The following PDSS1 variants were observed in gnomAD, a reference collection of about 807,000 sequenced individuals.
The protein encoded by PDSS1 is decaprenyl diphosphate synthase subunit 1.
Under a neutral mutation model 57.5 loss-of-function variants are expected in PDSS1, and 43 were observed. The observed-to-expected ratio is 0.75, with a 90% CI of 0.59 to 0.96. PDSS1 has a LOEUF of 0.96. Ranked by LOEUF, PDSS1 falls within the 50% of genes least tolerant of loss-of-function variation. The pLI, the probability that PDSS1 is intolerant of heterozygous loss-of-function variation, is 0.00. For synonymous variants in PDSS1, 175 were observed against 191.3 expected (o/e 0.91, Z 0.70); for missense variants, 438 against 527.8 (o/e 0.83, Z 1.67).
In PDSS1 at chr10:26,705,351, T is replaced by G. The variant is rs1357685009; in HGVS notation, c.293T>G (p.Leu98Arg). 2 of 1,611,654 alleles carry G rather than the reference T, an allele frequency of 1.2e-6. No homozygotes were observed. Among genetic ancestry groups the G allele is most frequent in the Non-Finnish European group, 1.7e-6 (2 of 1,178,296 alleles). ...GAAAAATACACCGATCCTTTCAAAC[T>G]CGGTTGGAGAGACTTGAAAGGTCTG... ...SGEKYTDPFK[L>R]GWRDLKGLYE... The change falls in exon 4 of 12, where the codon CTC (leucine) becomes CGC (arginine). Residue 98 changes from leucine to arginine, a missense_variant. Leu to Arg is a moderately radical substitution (Grantham distance 102, BLOSUM62 -2). Around this residue, in one of 2 missense-constraint regions of PDSS1, gnomAD observed 154 missense variants for 137.0 expected, o/e 1.12. Transcript: ENST00000376215.
intron 11 of PDSS1, 147 bp from the exon 12 acceptor site, chr10:26,746,186 A>G: frequency 1.1e-6 from 1 of 879,140 alleles, no homozygotes; most frequent in Non-Finnish European, 1.8e-6. Flanking sequence ...AGTCGGGAAA[A>G]GAACATTAGA....
intron 10 of PDSS1, among the ~76,000 whole-genome samples, chr10:26,737,985 C>A (rs1036375975): frequency 1.3e-5 from 2 of 152,104 alleles, no homozygotes; most frequent in African/African-American, 4.8e-5. Context: ...GGACTCATTT[C>A]AAAAGTAGAC....
chr10:26,729,514 C>A (rs1836090070), intron 8 of PDSS1, among the ~76,000 whole-genome samples: 2 of 152,172 alleles, frequency 1.3e-5, no homozygotes, highest in Admixed American at 1.3e-4. Flanking sequence ...TTTGTAACCC[C>A]CTTCCCAAAC....
At chr10:26,714,606 A>G (rs1423254869) in intron 5 of PDSS1, 2 of 152,236 alleles carry the variant, frequency 1.3e-5, no homozygotes, top group African/African-American at 4.8e-5. Flanking sequence ...CAGCTGCCTC[A>G]TTGAAGACAC....
chr10:26,722,032 C>T (rs556179821), intron 6 of PDSS1, among the ~76,000 whole-genome samples: 11 of 152,234 alleles, frequency 7.2e-5, no homozygotes, highest in African/African-American at 1.9e-4. Context: ...CACTTCTTTC[C>T]TTTAACTCCC....
intron 11 of PDSS1, among the ~76,000 whole-genome samples, chr10:26,745,837 C>A (rs1229809252): frequency 6.6e-6 from 1 of 150,896 alleles, no homozygotes; most frequent in African/African-American, 2.4e-5. Flanking sequence ...CAGAGTGAGA[C>A]CCTGTCTCAA....
At chr10:26,741,690 C>T (rs1286245364) in intron 10 of PDSS1, among the ~76,000 whole-genome samples, 1 of 152,054 alleles carries the variant, frequency 6.6e-6, no homozygotes, top group Non-Finnish European at 1.5e-5. Flanking sequence ...AATTCCCATC[C>T]TCATCCTAGG....
At chr10:26,704,007 G>A (rs1375752250) in intron 2 of PDSS1, among the ~76,000 whole-genome samples, 2 of 145,752 alleles carry the variant, frequency 1.4e-5, no homozygotes, top group South Asian at 2.2e-4. Context: ...CGTGAACCCT[G>A]GGGGGCGGAG....
intron 4 of PDSS1, among the ~76,000 whole-genome samples, chr10:26,709,141 C>T (rs900757747): frequency 6.6e-5 from 10 of 152,184 alleles, no homozygotes; most frequent in African/African-American, 1.2e-4. Flanking sequence ...GGCTGATCCA[C>T]GCATTGTTTA....
At chr10:26,704,081 C>CAAA (rs1192150825) in intron 2 of PDSS1, among the ~76,000 whole-genome samples, 1 of 9,916 alleles carries the variant, frequency 1.0e-4, no homozygotes, top group African/African-American at 3.2e-4. Context: ...GACTCCGTCT[C>CAAA]ACAAAAAAAA....
intron 5 of PDSS1, among the ~76,000 whole-genome samples, chr10:26,718,331 G>A (rs1424890694): frequency 6.6e-6 from 1 of 152,036 alleles, no homozygotes; most frequent in Non-Finnish European, 1.5e-5. Flanking sequence ...GCAGGAACCT[G>A]TAACTGTGCC....
intron 1 of PDSS1, among the ~76,000 whole-genome samples, chr10:26,698,894 T>C (rs1834960017): frequency 6.6e-6 from 1 of 151,992 alleles, no homozygotes; most frequent in Admixed American, 6.5e-5. Context: ...GAGGCTGAGG[T>C]GGGAGAATCG....
At chr10:26,698,703 T>C (rs1834954909) in intron 1 of PDSS1, among the ~76,000 whole-genome samples, 1 of 152,256 alleles carries the variant, frequency 6.6e-6, no homozygotes, top group Non-Finnish European at 1.5e-5. Context: ...TTTAGTACTC[T>C]TTTAATTCAG....
chr10:26,710,251 C>CTT (rs771371336), intron 5 of PDSS1, among the ~76,000 whole-genome samples: 3 of 82,796 alleles, frequency 3.6e-5, no homozygotes, highest in African/African-American at 1.2e-4. Context: ...AGTCTGGCAT[C>CTT]TTTTTTTTTT....
chr10:26,706,027 T>C (rs1160553805), intron 4 of PDSS1, among the ~76,000 whole-genome samples: 1 of 152,204 alleles, frequency 6.6e-6, no homozygotes. Flanking sequence ...CTCTTCCTTA[T>C]CTAATTCTGA....
intron 4 of PDSS1, among the ~76,000 whole-genome samples, chr10:26,707,172 G>A (rs551288774): frequency 2.6e-5 from 4 of 152,130 alleles, no homozygotes; most frequent in Non-Finnish European, 5.9e-5. Flanking sequence ...CCGGAGTTTT[G>A]CGCATGCTCA....
In PDSS1 at chr10:26,720,313, C is replaced by G; in HGVS notation, c.563C>G (p.Ser188Cys). The G allele has an allele frequency of 6.2e-7, 1 of 1,614,060 alleles. No individual in the cohort carries two copies. Among genetic ancestry groups the G allele is most frequent in the Non-Finnish European group, 8.5e-7 (1 of 1,179,940 alleles). ...GATGACGTTATTGACGATGCAAGTT[C>G]TCGAAGAGGAAAACACACAGTTAAT... ...VHDDVIDDAS[S>C]RRGKHTVNKI... Residue 188 changes from serine to cysteine, a missense_variant, in exon 6 of 12, where the codon TCT (serine) becomes TGT (cysteine). Transcript: ENST00000376215.
At chr10:26,743,044 A>G (rs1050947843) in intron 11 of PDSS1, among the ~76,000 whole-genome samples, 1 of 152,236 alleles carries the variant, frequency 6.6e-6, no homozygotes, top group African/African-American at 2.4e-5. Flanking sequence ...CCTACCTGTT[A>G]TAAAAGTGTG....
intron 11 of PDSS1, among the ~76,000 whole-genome samples, chr10:26,745,028 G>A (rs1200935818): frequency 1.3e-5 from 2 of 151,954 alleles, no homozygotes; most frequent in Non-Finnish European, 2.9e-5. Flanking sequence ...GCCAGGCGTG[G>A]TAGTGCACGC....
Sources: allele counts gnomAD v4.1 joint callset (sites outside exome capture counted in the v4.1 genomes callset), GRCh38; gene constraint gnomAD v4.1.1; regional missense constraint gnomAD v4.1.1; transcripts MANE v1.5; gene names NCBI Gene and HGNC (gene_info 2026-07-23, HGNC 2026-07-21).